The following WWP2 variants were observed in gnomAD, a reference collection of about 807,000 sequenced individuals.
The protein encoded by WWP2 is NEDD4-like E3 ubiquitin-protein ligase WWP2.
A neutral mutation model predicts 121.0 loss-of-function variants in WWP2; 57 were observed. The ratio of observed to expected loss-of-function variants is 0.47; its 90% confidence interval spans 0.38 to 0.59. WWP2 has a LOEUF of 0.59. Among genes scored for constraint, WWP2 ranks in the 20% least tolerant of loss-of-function variants. The probability of loss-of-function intolerance (pLI) is 0.00; values close to 1 mark genes in which losing one functional copy is unlikely to be tolerated. For synonymous variants in WWP2, 449 were observed against 441.3 expected (o/e 1.02, Z -0.22); for missense variants, 962 against 1,158.9 (o/e 0.83, Z 2.47).
intron 4 of WWP2, among the ~76,000 whole-genome samples, chr16:69,824,880 C>T (rs527515988): frequency 1.1e-5 from 1 of 88,452 alleles, no homozygotes; most frequent in African/African-American, 2.9e-5. Flanking sequence ...AAGTGATTCT[C>T]CTGCCTCAGC....
intron 17 of WWP2, among the ~76,000 whole-genome samples, chr16:69,934,466 G>A (rs1389649989): frequency 6.6e-6 from 1 of 151,568 alleles, no homozygotes; most frequent in Non-Finnish European, 1.5e-5. Context: ...GCTTTGTACA[G>A]GACTTGTCAA....
intron 7 of WWP2, among the ~76,000 whole-genome samples, chr16:69,876,388 G>A (rs2057737083): frequency 6.8e-6 from 1 of 146,322 alleles, no homozygotes; most frequent in Non-Finnish European, 1.5e-5. Flanking sequence ...TTTTTGAGAT[G>A]CAGTCTCACT....
At chr16:69,906,829 A>G (rs892306490) in intron 8 of WWP2, among the ~76,000 whole-genome samples, 5 of 152,170 alleles carry the variant, frequency 3.3e-5, no homozygotes, top group South Asian at 4.1e-4. Flanking sequence ...GTAGTGAGCT[A>G]TGATCACACC....
intron 4 of WWP2, among the ~76,000 whole-genome samples, chr16:69,801,972 C>T (rs1456493986): frequency 6.6e-6 from 1 of 151,626 alleles, no homozygotes; most frequent in African/African-American, 2.4e-5. Flanking sequence ...CCCTGTTGCC[C>T]AGGCTGGAGT....
At chr16:69,906,345 T>G (rs557107539) in intron 8 of WWP2, among the ~76,000 whole-genome samples, 1 of 152,300 alleles carries the variant, frequency 6.6e-6, no homozygotes, top group African/African-American at 2.4e-5. Context: ...GTGCTGGGAT[T>G]ACAGGTGTCA....
chr16:69,935,867 A>G lies in WWP2; in HGVS notation c.1857A>G (p.Gly619=). 6.2e-7 allele frequency: 1 copy of G among 1,613,658 alleles called. No individual in the cohort carries two copies. The highest frequency in any genetic ancestry group is 8.5e-7 in the Non-Finnish European group (1 of 1,179,844). The change falls in exon 18 of 24, where the codon GGA becomes GGG. Residue 619 remains glycine (G), a synonymous_variant. Transcript: ENST00000359154. The surrounding 1 kb of genome is among the most constrained non-coding windows in gnomAD (Gnocchi z 5.2). The part of the protein sequence containing the change: ...GRFIAMALYH[G]KFIDTGFTLP... ...TTCCTTCCCAGGCGCTGTACCATGG[A>G]AAGTTCATCGACACGGGCTTCACCC...
At chr16:69,852,130 A>T (rs1029376988) in intron 6 of WWP2, among the ~76,000 whole-genome samples, 31 of 152,224 alleles carry the variant, frequency 2.0e-4, no homozygotes, top group African/African-American at 7.5e-4. Flanking sequence ...ACCAGTTTGC[A>T]TTGCCACCAG....
chr16:69,831,950 C>A, intron 4 of WWP2, among the ~76,000 whole-genome samples: 1 of 151,638 alleles, frequency 6.6e-6, no homozygotes. Flanking sequence ...CGCCTCAGCC[C>A]CCCAAGTAGT....
intron 1 of WWP2, among the ~76,000 whole-genome samples, chr16:69,768,153 C>T (rs11646929): frequency 0.082 from 12,412 of 152,140 alleles, 635 homozygotes; most frequent in South Asian, 0.21. Flanking sequence ...TCTGGAATTT[C>T]TGAAAGATGG....
chr16:69,763,368 T>C (rs1447072128), intron 1 of WWP2, among the ~76,000 whole-genome samples: 3 of 152,220 alleles, frequency 2.0e-5, no homozygotes, highest in African/African-American at 7.2e-5. Flanking sequence ...GATTGAATAC[T>C]TGTGTTAAAG....
intron 6 of WWP2, among the ~76,000 whole-genome samples, chr16:69,852,418 C>G (rs116934842): frequency 0.012 from 1,807 of 152,128 alleles, 10 homozygotes; most frequent in Non-Finnish European, 0.019. Flanking sequence ...CTGGGTGGCA[C>G]CTGCCACCAC....
At chr16:69,764,779 T>C (rs1458534280) in intron 1 of WWP2, among the ~76,000 whole-genome samples, 1 of 152,238 alleles carries the variant, frequency 6.6e-6, no homozygotes, top group African/African-American at 2.4e-5. Context: ...AAATACATTC[T>C]GGATTTTGAA....
chr16:69,933,345 G>C (rs1289287306), intron 16 of WWP2, among the ~76,000 whole-genome samples: 4 of 152,146 alleles, frequency 2.6e-5, no homozygotes, highest in Non-Finnish European at 5.9e-5. Flanking sequence ...AGATGAATGC[G>C]TGGAAGTGTG....
intron 1 of WWP2, among the ~76,000 whole-genome samples, chr16:69,785,372 G>C (rs1212155154): frequency 6.6e-6 from 1 of 152,144 alleles, no homozygotes; most frequent in Admixed American, 6.6e-5. Context: ...AGAGCTCAAT[G>C]GCTTCCCAAT....
intron 6 of WWP2, among the ~76,000 whole-genome samples, chr16:69,850,501 T>C (rs1422933620): frequency 6.6e-6 from 1 of 151,856 alleles, no homozygotes. Context: ...ATGGTGATGG[T>C]ATGTACACAT....
At chr16:69,930,409 G>A (rs2058695278) in intron 13 of WWP2, 151 bp downstream of exon 13, 4 of 1,272,006 alleles carry the variant, frequency 3.1e-6, no homozygotes, top group Admixed American at 3.0e-5. Flanking sequence ...TCATATTAAA[G>A]GGGATGGGAG....
In WWP2 at chr16:69,940,226, G is replaced by A. The variant is rs1466221224; in HGVS notation, c.*286G>A. The A allele has an allele frequency of 2.2e-6, 1 of 454,222 alleles. No homozygotes were observed. Among genetic ancestry groups the A allele is most frequent in the Non-Finnish European group, 3.9e-6 (1 of 253,842 alleles). 28.1% of individuals were successfully genotyped at this position (454,222 alleles called of 1,614,324 possible). On this transcript the variant is annotated 3_prime_UTR_variant, in exon 24 of 24. Coordinates refer to ENST00000359154, the MANE Select transcript of WWP2 (RefSeq NM_001270454.2). Reference sequence around the variant, plus strand: ...CTGCAAAACTCTCCCCTGTCCTCTAGACCCCACCCTGGGTGTATGTGAGTG... The same window carrying A: ...CTGCAAAACTCTCCCCTGTCCTCTAAACCCCACCCTGGGTGTATGTGAGTG...
chr16:69,858,062 A>G (rs1288546261), intron 6 of WWP2, among the ~76,000 whole-genome samples: 2 of 152,034 alleles, frequency 1.3e-5, no homozygotes, highest in African/African-American at 2.4e-5. Context: ...AGAATGGGAG[A>G]TTAGGGCCCG....
At chr16:69,771,546 G>C (rs972131987) in intron 1 of WWP2, among the ~76,000 whole-genome samples, 3 of 152,124 alleles carry the variant, frequency 2.0e-5, no homozygotes, top group Admixed American at 2.0e-4. Context: ...AGAGCCTGAA[G>C]GACTGTAGCT....
Sources: gnomAD v4.1 joint callset for allele counts (sites outside exome capture counted in the v4.1 genomes callset) on GRCh38, gnomAD v4.1.1 for gene constraint, Gnocchi (gnomAD v3.1) non-coding constraint, MANE v1.5 for transcripts, NCBI Gene and HGNC (gene_info 2026-07-23, HGNC 2026-07-21) for gene names.